The following FAF1 variants were observed in gnomAD, a reference collection of about 807,000 sequenced individuals.
FAF1 encodes FAS-associated factor 1.
In FAF1, 25 loss-of-function variants were observed where a neutral mutation model predicts 92.5. That is an observed-to-expected ratio of 0.27 (90% CI 0.20 to 0.38). The LOEUF is 0.38. Among genes scored for constraint, FAF1 ranks in the 10% least tolerant of loss-of-function variants. The pLI is 1.00. For synonymous variants in FAF1, 234 were observed against 273.2 expected (o/e 0.86, Z 1.42); for missense variants, 636 against 793.3 (o/e 0.80, Z 2.38).
chr1:50,860,128 T>C (rs1428986853), intron 1 of FAF1, among the ~76,000 whole-genome samples: 4 of 151,942 alleles, frequency 2.6e-5, no homozygotes, highest in Non-Finnish European at 2.9e-5. Flanking sequence ...AAGATTTAAA[T>C]GTAAGACCTC....
At chr1:50,469,906 A>G (rs1313058514) in intron 18 of FAF1, among the ~76,000 whole-genome samples, 1 of 152,224 alleles carries the variant, frequency 6.6e-6, no homozygotes, top group African/African-American at 2.4e-5. Flanking sequence ...TCAAATAACC[A>G]GATATAGTGA....
At position 50,761,865 on chromosome 1, in the gene FAF1, T is replaced by A. The variant is rs1462974008; in HGVS notation, c.368-17090A>T. Among the ~76,000 whole-genome samples the A allele has an allele frequency of 2.6e-4, 39 of 151,282 alleles. 1 individual carries two copies. In the East Asian group the frequency reaches 7.2e-3, roughly 28 times the overall value. On this transcript the variant is annotated intron_variant, in intron 4 of 18. Coordinates refer to ENST00000396153, the MANE Select transcript of FAF1 (RefSeq NM_007051.3). ...GCAATTAGGCAGGAGAAGGAAATAA[T>A]GGGTATTCAATTAGGAAAAGAGGAA...
intron 15 of FAF1, among the ~76,000 whole-genome samples, chr1:50,499,367 T>TG (rs1359651662): frequency 1.3e-5 from 2 of 151,664 alleles, no homozygotes; most frequent in African/African-American, 4.8e-5. Context: ...TGTAGGGTTT[T>TG]TTTTTTTTTT....
chr1:50,568,442 CAAAT>C (rs1365538177), intron 12 of FAF1, among the ~76,000 whole-genome samples: 1 of 151,934 alleles, frequency 6.6e-6, no homozygotes, highest in African/African-American at 2.4e-5. Flanking sequence ...ATAAAGAATC[CAAAT>C]AATAGTAATA....
chr1:50,682,868 C>A (rs549666304), intron 7 of FAF1, among the ~76,000 whole-genome samples: 1 of 149,704 alleles, frequency 6.7e-6, no homozygotes, highest in African/African-American at 2.5e-5. Flanking sequence ...AAAAGGAGGG[C>A]GGATCATGAG....
In FAF1 at chr1:50,584,636, C is replaced by T. The variant is rs1309242298; in HGVS notation, c.967+49G>A. On this transcript the variant is annotated intron_variant, in intron 10 of 18. Coordinates refer to ENST00000396153, the MANE Select transcript of FAF1 (RefSeq NM_007051.3). The stretch of plus-strand genomic sequence containing the variant: ...TTAATGTTCTTCATAAGTTTGTGTA[C>T]TAGAAGAAAGAATTCTATTGCTGGA... 1.9e-6 allele frequency: 3 copies of T among 1,578,190 alleles called. No individual in the cohort carries two copies. In the East Asian group the frequency reaches 6.8e-5, roughly 36 times the overall value.
At chr1:50,830,131 T>C (rs1164058618) in intron 2 of FAF1, among the ~76,000 whole-genome samples, 1 of 152,220 alleles carries the variant, frequency 6.6e-6, no homozygotes, top group African/African-American at 2.4e-5. Context: ...CTTTTTGGTT[T>C]TTTTGAGACA....
intron 1 of FAF1, among the ~76,000 whole-genome samples, chr1:50,863,755 T>C (rs998605239): frequency 2.0e-5 from 3 of 152,036 alleles, no homozygotes; most frequent in African/African-American, 7.2e-5. Context: ...TTTCTATTGA[T>C]TGGAATAGTT....
chr1:50,610,365 T>C (rs1652633196), intron 8 of FAF1, among the ~76,000 whole-genome samples: 1 of 152,202 alleles, frequency 6.6e-6, no homozygotes, highest in Non-Finnish European at 1.5e-5. Context: ...TTTCACACCA[T>C]AATGGCTTAC....
intron 11 of FAF1, 41 bp from the exon 12 acceptor site, chr1:50,582,740 A>T: frequency 8.0e-7 from 1 of 1,254,860 alleles, no homozygotes; most frequent in Non-Finnish European, 1.2e-6. Flanking sequence ...ATACTTTTCA[A>T]ATTCACTTCA....
intron 1 of FAF1, among the ~76,000 whole-genome samples, chr1:50,865,616 C>G (rs1330631583): frequency 1.5e-5 from 2 of 132,064 alleles, no homozygotes; most frequent in African/African-American, 5.8e-5. Flanking sequence ...CATATTCTCA[C>G]TCATAGGTGG....
intron 13 of FAF1, among the ~76,000 whole-genome samples, chr1:50,560,385 C>T (rs1451419588): frequency 6.6e-6 from 1 of 151,448 alleles, no homozygotes; most frequent in African/African-American, 2.5e-5. Flanking sequence ...AAATACCACA[C>T]CCAAGGGCAT....
intron 1 of FAF1, among the ~76,000 whole-genome samples, chr1:50,880,424 G>T (rs1202686662): frequency 6.6e-6 from 1 of 152,184 alleles, no homozygotes; most frequent in Non-Finnish European, 1.5e-5. Context: ...CTCCCAATGT[G>T]GCTGGCCGTA....
intron 12 of FAF1, among the ~76,000 whole-genome samples, chr1:50,574,398 C>T (rs926196155): frequency 6.6e-6 from 1 of 152,144 alleles, no homozygotes; most frequent in Admixed American, 6.5e-5. Context: ...CAGTGTCAGG[C>T]CAACTCTCAT....
intron 1 of FAF1, among the ~76,000 whole-genome samples, chr1:50,934,015 A>C (rs1341781547): frequency 6.6e-6 from 1 of 152,200 alleles, no homozygotes; most frequent in Non-Finnish European, 1.5e-5. Context: ...GATACAATTC[A>C]AGTTGAGATT....
In FAF1 at chr1:50,730,066, T is replaced by C. The variant is rs551299209; in HGVS notation, c.551+8797A>G. On this transcript the variant is annotated intron_variant, in intron 6 of 18. Coordinates refer to ENST00000396153, the MANE Select transcript of FAF1 (RefSeq NM_007051.3). ...TGATAATTTGTTCCATGAAAATTTA[T>C]GAAAAATCCTCTGGAGGGTGAAGGG... 3.0e-3 allele frequency among the ~76,000 whole-genome samples: 456 copies of C among 152,244 alleles called. 3 individuals are homozygous for C. The highest frequency in any genetic ancestry group is 5.4e-3 in the Non-Finnish European group (370 of 68,014).
intron 6 of FAF1, among the ~76,000 whole-genome samples, chr1:50,716,456 T>G (rs1320040593): frequency 6.6e-6 from 1 of 152,232 alleles, no homozygotes; most frequent in Non-Finnish European, 1.5e-5. Flanking sequence ...TGAAGCCAGC[T>G]GGACTTCCTG....
chr1:50,692,469 C>A (rs1450859002), intron 7 of FAF1, among the ~76,000 whole-genome samples: 1 of 152,100 alleles, frequency 6.6e-6, no homozygotes. Context: ...CACCCCACCA[C>A]CAGCCTCTGG....
intron 13 of FAF1, among the ~76,000 whole-genome samples, chr1:50,541,344 T>C (rs1306187015): frequency 2.0e-5 from 3 of 152,130 alleles, no homozygotes; most frequent in Non-Finnish European, 2.9e-5. Context: ...CAATTTCATA[T>C]CAGTGCCACC....
Sources: gnomAD v4.1 joint callset for allele counts (sites outside exome capture counted in the v4.1 genomes callset) on GRCh38, gnomAD v4.1.1 for gene constraint, MANE v1.5 for transcripts, NCBI Gene and HGNC (gene_info 2026-07-23, HGNC 2026-07-21) for gene names.